The following NAA60 variants were observed in gnomAD, a reference collection of about 807,000 sequenced individuals.
NAA60 encodes N-alpha-acetyltransferase 60, NatF catalytic subunit.
NAA60 carries 8 observed loss-of-function variants against 26.1 expected under a neutral mutation model. That is an observed-to-expected ratio of 0.31 (90% confidence interval 0.18 to 0.55). NAA60 has a LOEUF of 0.55. NAA60 is among the 20% of genes least tolerant of loss of function. The pLI, the probability that NAA60 is intolerant of heterozygous loss-of-function variation, is 0.93. For missense variants in NAA60, 290 were observed against 311.3 expected (o/e 0.93, Z 0.51); for synonymous variants, 131 against 122.5 (o/e 1.07, Z -0.46).
intron 6 of NAA60, among the ~76,000 whole-genome samples, chr16:3,484,274 C>T (rs1307256421): frequency 6.6e-6 from 1 of 152,214 alleles, no homozygotes; most frequent in Non-Finnish European, 1.5e-5. Flanking sequence ...CACAGGCCGT[C>T]TAGCTTATGT....
intron 2 of NAA60, among the ~76,000 whole-genome samples, chr16:3,462,167 T>C (rs2035453169): frequency 6.6e-6 from 1 of 152,008 alleles, no homozygotes; most frequent in Middle Eastern, 3.4e-3. Context: ...GCATTTCTCT[T>C]TTTTTGTTTA....
At chr16:3,470,164 G>A (rs1328281769) in intron 2 of NAA60, among the ~76,000 whole-genome samples, 1 of 152,208 alleles carries the variant, frequency 6.6e-6, no homozygotes, top group Admixed American at 6.5e-5. Flanking sequence ...GACACAGTTG[G>A]TTTTGCATCA....
At chr16:3,457,619 A>AG (rs2035061989) in intron 2 of NAA60, among the ~76,000 whole-genome samples, 2 of 152,224 alleles carry the variant, frequency 1.3e-5, no homozygotes, top group African/African-American at 4.8e-5. Flanking sequence ...GTGGTCGGCC[A>AG]GGAGCCAGCC....
At chr16:3,457,884 G>C in intron 2 of NAA60, 3 of 775,902 alleles carry the variant, frequency 3.9e-6, no homozygotes, top group Non-Finnish European at 4.7e-6. Context: ...ACGGGATCCT[G>C]GGCCTGGCTT....
At chr16:3,471,737 C>A (rs989285436) in intron 2 of NAA60, among the ~76,000 whole-genome samples, 1 of 152,012 alleles carries the variant, frequency 6.6e-6, no homozygotes, top group African/African-American at 2.4e-5. Flanking sequence ...TTTTCAGAGC[C>A]AGCTGGCCCT....
At chr16:3,455,120 C>T (rs1186483854) in intron 2 of NAA60, among the ~76,000 whole-genome samples, 1 of 152,146 alleles carries the variant, frequency 6.6e-6, no homozygotes, top group Non-Finnish European at 1.5e-5. Flanking sequence ...GGTGCGATCT[C>T]GGCTCGCTGC....
chr16:3,482,649 AC>A, intron 5 of NAA60, 51 bp downstream of exon 5: 1 of 1,153,462 alleles, frequency 8.7e-7, no homozygotes, highest in Non-Finnish European at 1.1e-6. Context: ...CCCTTGCCCT[AC>A]CCCACCCCCA....
At chr16:3,448,592 G>A in intron 2 of NAA60, 52 bp downstream of exon 2, 1 of 1,445,948 alleles carries the variant, frequency 6.9e-7, no homozygotes. Flanking sequence ...CATAGTCAGA[G>A]GAAGCCTACT....
chr16:3,444,175 C>T (rs1351029032), intron 1 of NAA60, among the ~76,000 whole-genome samples: 1 of 152,086 alleles, frequency 6.6e-6, no homozygotes, highest in African/African-American at 2.4e-5. Context: ...TGTTCGCCCC[C>T]GGATACCTCA....
chr16:3,455,597 G>A (rs1161527108), intron 2 of NAA60, among the ~76,000 whole-genome samples: 4 of 151,472 alleles, frequency 2.6e-5, no homozygotes, highest in Admixed American at 6.6e-5. Context: ...GGGTTTCACC[G>A]TGTTAGCCAG....
At chr16:3,485,122 G>T (rs950642782) in intron 7 of NAA60, 61 bp downstream of exon 7, 2 of 999,978 alleles carry the variant, frequency 2.0e-6, no homozygotes, top group Non-Finnish European at 3.0e-6. Context: ...AAAGTGGAAG[G>T]CCCTGGATGG....
At chr16:3,469,503 C>T (rs982051460) in intron 2 of NAA60, among the ~76,000 whole-genome samples, 1 of 142,156 alleles carries the variant, frequency 7.0e-6, no homozygotes, top group African/African-American at 2.5e-5. Flanking sequence ...TCTGACTTTG[C>T]CTTGCTGCTC....
intron 2 of NAA60, among the ~76,000 whole-genome samples, chr16:3,465,484 C>G (rs758629717): frequency 1.3e-5 from 2 of 152,112 alleles, no homozygotes; most frequent in Non-Finnish European, 2.9e-5. Context: ...GGTGAGTCGT[C>G]CTTCCGGCTG....
intron 5 of NAA60, 69 bp downstream of exon 5, chr16:3,482,667 C>T (rs2036921404): frequency 9.4e-7 from 1 of 1,058,982 alleles, no homozygotes; most frequent in Non-Finnish European, 1.4e-6. Flanking sequence ...CCCATCCCAT[C>T]TGCACCCAGT....
At chr16:3,444,201 A>G (rs2150937397) in intron 1 of NAA60, among the ~76,000 whole-genome samples, 1 of 152,226 alleles carries the variant, frequency 6.6e-6, no homozygotes, top group African/African-American at 2.4e-5. Context: ...AGCCTACCCT[A>G]GAGCCAGTCA....
intron 2 of NAA60, among the ~76,000 whole-genome samples, chr16:3,468,408 A>G (rs1471842584): frequency 6.6e-6 from 1 of 152,172 alleles, no homozygotes; most frequent in African/African-American, 2.4e-5. Flanking sequence ...TCCAGACCCT[A>G]TTCTCCTGCC....
intron 2 of NAA60, among the ~76,000 whole-genome samples, chr16:3,465,490 G>A (rs1596316992): frequency 6.6e-6 from 1 of 152,040 alleles, no homozygotes; most frequent in Non-Finnish European, 1.5e-5. Flanking sequence ...TCGTCCTTCC[G>A]GCTGCCCCCA....
chr16:3,445,645 T>C (rs887436763), intron 1 of NAA60, among the ~76,000 whole-genome samples: 6 of 152,116 alleles, frequency 3.9e-5, no homozygotes, highest in African/African-American at 1.2e-4. Flanking sequence ...GATTTGTGGC[T>C]CTTTCACCAA....
At chr16:3,449,444 G>A (rs539542183) in intron 2 of NAA60, among the ~76,000 whole-genome samples, 1 of 151,398 alleles carries the variant, frequency 6.6e-6, no homozygotes, top group Non-Finnish European at 1.5e-5. Flanking sequence ...TGTGAACCTG[G>A]GAGGTGACAG....
Sources: allele counts gnomAD v4.1 joint callset (sites outside exome capture counted in the v4.1 genomes callset), GRCh38; gene constraint gnomAD v4.1.1; transcripts MANE v1.5; gene names NCBI Gene and HGNC (gene_info 2026-07-23, HGNC 2026-07-21).